RCAN1: variants seen among roughly 807,000 people sequenced by gnomAD.
RCAN1 encodes the protein calcipressin-1.
RCAN1 carries 11 observed loss-of-function variants against 22.9 expected under a neutral mutation model. That is an observed-to-expected ratio of 0.48 (90% CI 0.30 to 0.79). The LOEUF (loss-of-function observed/expected upper bound fraction) is 0.79, where lower values mean the gene tolerates loss of function less well. Among genes scored for constraint, RCAN1 ranks in the 30% least tolerant of loss-of-function variants. The pLI is 0.06. For synonymous variants in RCAN1, 136 were observed against 142.3 expected, an observed-to-expected ratio of 0.96 and a Z score of 0.32; for missense variants, 291 against 337.8, an observed-to-expected ratio of 0.86 and a Z score of 1.09.
intron 1 of RCAN1, chr21:34,559,282 G>A (rs1012756810): frequency 4.6e-5 from 7 of 152,220 alleles, no homozygotes; most frequent in African/African-American, 7.2e-5. Context: ...CACAGCGCAG[G>A]AGTCTTTCTG....
chr21:34,553,590 C>A (rs1986449663), intron 1 of RCAN1, among the ~76,000 whole-genome samples: 1 of 152,122 alleles, frequency 6.6e-6, no homozygotes, highest in Non-Finnish European at 1.5e-5. Flanking sequence ...AAAAGTGGAA[C>A]AATATATAAA....
intron 1 of RCAN1, among the ~76,000 whole-genome samples, chr21:34,573,853 C>T (rs944104228): frequency 2.6e-5 from 4 of 152,052 alleles, no homozygotes; most frequent in East Asian, 1.9e-4. Flanking sequence ...TTTTTGTTGT[C>T]GCTGTTACAA....
chr21:34,606,258 G>A (rs1375156773), intron 1 of RCAN1, among the ~76,000 whole-genome samples: 2 of 152,234 alleles, frequency 1.3e-5, no homozygotes, highest in East Asian at 1.9e-4. Context: ...CCCCTCCAGC[G>A]CAACCCTATA....
intron 1 of RCAN1, among the ~76,000 whole-genome samples, chr21:34,530,859 G>A (rs1205037697): frequency 2.0e-5 from 3 of 151,904 alleles, no homozygotes; most frequent in East Asian, 3.9e-4. Context: ...TCCTGACCTC[G>A]TGATCCACCC....
chr21:34,530,933 T>C (rs1004102003), intron 1 of RCAN1, among the ~76,000 whole-genome samples: 10 of 152,168 alleles, frequency 6.6e-5, no homozygotes, highest in Non-Finnish European at 8.8e-5. Flanking sequence ...CCATTCCCTA[T>C]AGAATGTGGA....
intron 1 of RCAN1, among the ~76,000 whole-genome samples, chr21:34,562,742 TC>T (rs1986839322): frequency 1.3e-5 from 2 of 152,192 alleles, no homozygotes; most frequent in Admixed American, 6.5e-5. Flanking sequence ...AGTTTTCTCA[TC>T]CATAAAATAC....
chr21:34,570,074 A>G (rs190053482), intron 1 of RCAN1, among the ~76,000 whole-genome samples: 1 of 152,252 alleles, frequency 6.6e-6, no homozygotes, highest in Non-Finnish European at 1.5e-5. Flanking sequence ...GGGAGGGCCC[A>G]GGCCCAAGCT....
intron 1 of RCAN1, among the ~76,000 whole-genome samples, chr21:34,534,300 G>A (rs1985566067): frequency 6.6e-6 from 1 of 151,772 alleles, no homozygotes; most frequent in East Asian, 1.9e-4. Flanking sequence ...TCTCATTCCT[G>A]CCTGTTGAAC....
At chr21:34,566,146 C>G (rs143552004) in intron 1 of RCAN1, among the ~76,000 whole-genome samples, 3 of 152,140 alleles carry the variant, frequency 2.0e-5, no homozygotes, top group African/African-American at 7.2e-5. Context: ...CCTTTTCCTG[C>G]GAGTAGGTAG....
chr21:34,556,210 G>A (rs1986567033), intron 1 of RCAN1, among the ~76,000 whole-genome samples: 1 of 150,432 alleles, frequency 6.6e-6, no homozygotes, highest in Non-Finnish European at 1.5e-5. Context: ...GATAGCTTGA[G>A]CTCAGGAGTT....
At chr21:34,602,972 A>G (rs1230641098) in intron 1 of RCAN1, among the ~76,000 whole-genome samples, 1 of 152,188 alleles carries the variant, frequency 6.6e-6, no homozygotes, top group Admixed American at 6.5e-5. Flanking sequence ...CAAAGCGGGC[A>G]GCATCTCCCA....
chr21:34,613,936 T>G, intron 1 of RCAN1: 2 of 1,130,480 alleles, frequency 1.8e-6, no homozygotes, highest in Non-Finnish European at 2.3e-6. Flanking sequence ...AAAGACCGGT[T>G]TCATTCTGTG....
At chr21:34,544,344 G>A (rs1374952917) in intron 1 of RCAN1, among the ~76,000 whole-genome samples, 1 of 152,200 alleles carries the variant, frequency 6.6e-6, no homozygotes, top group Non-Finnish European at 1.5e-5. Flanking sequence ...AGATGGAGGG[G>A]GCCATGTGGC....
At chr21:34,606,570 T>C (rs8134065) in intron 1 of RCAN1, among the ~76,000 whole-genome samples, 146,344 of 152,312 alleles carry the variant, frequency 0.96, 70,318 homozygotes, top group African/African-American at 0.99. Context: ...GTGATTATCA[T>C]GGATTAAATG....
At position 34,569,605 on chromosome 21, in the gene RCAN1, G is replaced by A. The variant is rs1987166444; in HGVS notation, c.252+45155C>T. Reference sequence around the variant, plus strand: ...GAGGCTAAGGTGGAGAAATCACTGTGGCAGAGCTTTCAGGATGGAGTGCCT... The same window carrying A: ...GAGGCTAAGGTGGAGAAATCACTGTAGCAGAGCTTTCAGGATGGAGTGCCT... On this transcript the variant is annotated intron_variant, in intron 1 of 3. Transcript: ENST00000313806. 2.6e-5 allele frequency among the ~76,000 whole-genome samples: 4 copies of A among 152,224 alleles called. No homozygotes were observed. The South Asian group carries it at 8.3e-4, about 32-fold the overall frequency.
intron 1 of RCAN1, among the ~76,000 whole-genome samples, chr21:34,534,290 T>A (rs1488630600): frequency 1.3e-5 from 2 of 152,034 alleles, no homozygotes; most frequent in African/African-American, 4.8e-5. Context: ...CTCCTCCCTG[T>A]CTCATTCCTG....
rs747018202 is a variant in RCAN1, at chr21:34,523,722, CAATAAA to C, written c.253-18_253-13del. 7.5e-6 allele frequency: 12 copies of C among 1,606,280 alleles called. No homozygotes were observed. Among genetic ancestry groups the C allele is most frequent in the Non-Finnish European group, 1.0e-5 (12 of 1,176,448 alleles). ...GACTCAAATTTGGCCTGAAAAATAA[CAATAAA>C]AATAAAAGGAGTTGAAATTTACCTG... On this transcript the variant is annotated splice_polypyrimidine_tract_variant and intron_variant, in intron 1 of 3. Coordinates refer to ENST00000313806, the MANE Select transcript of RCAN1 (RefSeq NM_004414.7).
At chr21:34,579,404 C>T (rs992708670) in intron 1 of RCAN1, among the ~76,000 whole-genome samples, 1 of 151,956 alleles carries the variant, frequency 6.6e-6, no homozygotes, top group African/African-American at 2.4e-5. Flanking sequence ...GTCCCACCCC[C>T]CAAAAATGCA....
intron 1 of RCAN1, among the ~76,000 whole-genome samples, chr21:34,539,707 CA>C (rs1361220235): frequency 1.3e-5 from 2 of 152,166 alleles, no homozygotes; most frequent in Non-Finnish European, 2.9e-5. Flanking sequence ...GGTTTGGTAT[CA>C]CGGCTTTTAA....
Sources: gnomAD v4.1 joint callset for allele counts (sites outside exome capture counted in the v4.1 genomes callset) on GRCh38, gnomAD v4.1.1 for gene constraint, MANE v1.5 for transcripts, NCBI Gene and HGNC (gene_info 2026-07-23, HGNC 2026-07-21) for gene names.